Variants in POU6F2 observed in about 807,000 individuals in gnomAD.
The protein encoded by POU6F2 is POU domain, class 6, transcription factor 2.
Under a neutral mutation model 71.3 loss-of-function variants are expected in POU6F2, and 31 were observed. The ratio of observed to expected loss-of-function variants is 0.43; its 90% CI spans 0.33 to 0.59. POU6F2 has a LOEUF of 0.59. Among genes scored for constraint, POU6F2 ranks in the 20% least tolerant of loss-of-function variants. POU6F2 has a pLI of 0.04. For missense variants in POU6F2, 783 were observed against 856.8 expected (o/e 0.91, Z 1.07); for synonymous variants, 347 against 355.7 (o/e 0.98, Z 0.27).
intron 7 of POU6F2, among the ~76,000 whole-genome samples, chr7:39,440,565 A>T (rs578175673): frequency 1.3e-5 from 2 of 152,300 alleles, no homozygotes; most frequent in African/African-American, 4.8e-5. Flanking sequence ...TAAACTGGTT[A>T]TGCTAGTTAG....
At chr7:39,173,923 A>G (rs144650129) in intron 2 of POU6F2, among the ~76,000 whole-genome samples, 9 of 152,330 alleles carry the variant, frequency 5.9e-5, no homozygotes, top group Non-Finnish European at 2.9e-5. Context: ...ATTTAGGGCT[A>G]TTCTACCTGT....
intron 1 of POU6F2, among the ~76,000 whole-genome samples, chr7:38,983,695 T>C (rs2116597187): frequency 6.6e-6 from 1 of 152,222 alleles, no homozygotes; most frequent in Non-Finnish European, 1.5e-5. Context: ...ATTGCTTAAT[T>C]TTTACTGGAA....
chr7:38,983,814 A>G (rs531664632), intron 1 of POU6F2, among the ~76,000 whole-genome samples: 1 of 152,144 alleles, frequency 6.6e-6, no homozygotes, highest in Non-Finnish European at 1.5e-5. Context: ...ACGTAAAACC[A>G]TTGTATGTAA....
At chr7:39,382,287 A>G (rs1481600425) in intron 5 of POU6F2, among the ~76,000 whole-genome samples, 2 of 152,226 alleles carry the variant, frequency 1.3e-5, no homozygotes, top group Non-Finnish European at 2.9e-5. Flanking sequence ...ACAGAAACAT[A>G]CAACAGAGAG....
chr7:39,084,259 G>T (rs1211994165), intron 1 of POU6F2, among the ~76,000 whole-genome samples: 1 of 152,002 alleles, frequency 6.6e-6, no homozygotes, highest in Non-Finnish European at 1.5e-5. Context: ...AAATTACCTT[G>T]TTAAATGACA....
chr7:39,408,795 C>T (rs1321879763), intron 6 of POU6F2, among the ~76,000 whole-genome samples: 1 of 152,136 alleles, frequency 6.6e-6, no homozygotes. Flanking sequence ...GATAATTGGC[C>T]ATATTCATGT....
chr7:38,994,993 C>T (rs1426000081), intron 1 of POU6F2, among the ~76,000 whole-genome samples: 3 of 152,180 alleles, frequency 2.0e-5, no homozygotes, highest in Non-Finnish European at 4.4e-5. Context: ...GCTTTTCAAA[C>T]ATTTCCCCAG....
chr7:39,136,827 TAA>T (rs112051805), intron 2 of POU6F2, among the ~76,000 whole-genome samples: 1 of 136,676 alleles, frequency 7.3e-6, no homozygotes. Flanking sequence ...GATCCCATCT[TAA>T]AAAAAAAAAA....
intron 1 of POU6F2, among the ~76,000 whole-genome samples, chr7:39,004,048 G>C (rs960623651): frequency 3.3e-5 from 5 of 151,974 alleles, no homozygotes; most frequent in Non-Finnish European, 5.9e-5. Flanking sequence ...ACATATAAAC[G>C]TTTATATATA....
chr7:38,992,862 G>A (rs1289848835), intron 1 of POU6F2, among the ~76,000 whole-genome samples: 2 of 152,030 alleles, frequency 1.3e-5, no homozygotes, highest in Non-Finnish European at 1.5e-5. Flanking sequence ...CTACAGTCTG[G>A]GAAATGGATT....
intron 2 of POU6F2, among the ~76,000 whole-genome samples, chr7:39,184,108 TG>T (rs1339971862): frequency 6.6e-6 from 1 of 152,156 alleles, no homozygotes. Flanking sequence ...CAAATTCATG[TG>T]TTTAGTCTAT....
chr7:39,051,180 A>G (rs1790393471), intron 1 of POU6F2, among the ~76,000 whole-genome samples: 1 of 152,048 alleles, frequency 6.6e-6, no homozygotes, highest in African/African-American at 2.4e-5. Context: ...TTGAATTTTC[A>G]TGCAAATGAA....
At chr7:39,093,542 G>A (rs77633261) in intron 2 of POU6F2, among the ~76,000 whole-genome samples, 2,232 of 152,040 alleles carry the variant, frequency 0.015, 49 homozygotes, top group African/African-American at 0.05. Flanking sequence ...ATATTGTTTG[G>A]CATTAAGTAG....
intron 1 of POU6F2, among the ~76,000 whole-genome samples, chr7:38,997,731 A>G (rs1368601133): frequency 6.6e-6 from 1 of 152,168 alleles, no homozygotes; most frequent in Non-Finnish European, 1.5e-5. Flanking sequence ...CAAATTTCTT[A>G]GCCCTCCAGA....
chr7:39,222,958 G>A (rs1231992960), intron 4 of POU6F2, among the ~76,000 whole-genome samples: 1 of 152,238 alleles, frequency 6.6e-6, no homozygotes, highest in African/African-American at 2.4e-5. Context: ...ATCATTTGGC[G>A]AGTTGCCATA....
At chr7:39,192,665 GGTGAGAAGT>G (rs1325008228) in intron 2 of POU6F2, among the ~76,000 whole-genome samples, 1 of 152,170 alleles carries the variant, frequency 6.6e-6, no homozygotes, top group Admixed American at 6.5e-5. Flanking sequence ...GGTTGCATGG[GGTGAGAAGT>G]GGCCCAGGTT....
intron 4 of POU6F2, among the ~76,000 whole-genome samples, chr7:39,277,321 T>C (rs1784461899): frequency 6.6e-6 from 1 of 152,202 alleles, no homozygotes; most frequent in Non-Finnish European, 1.5e-5. Flanking sequence ...TGCGTGATGC[T>C]GAGGTTGGGC....
chr7:39,199,324 A>G (rs1793847217), intron 2 of POU6F2, among the ~76,000 whole-genome samples: 1 of 152,362 alleles, frequency 6.6e-6, no homozygotes, highest in East Asian at 1.9e-4. Flanking sequence ...TCTCGGGATT[A>G]AAAAGAGTAT....
intron 1 of POU6F2, among the ~76,000 whole-genome samples, chr7:39,001,668 GT>G: frequency 2.9e-3 from 1 of 348 alleles, no homozygotes; most frequent in South Asian, 0.12. Flanking sequence ...AATGGTGGTG[GT>G]GATGGTGATG....
Sources: gnomAD v4.1 joint callset for allele counts (sites outside exome capture counted in the v4.1 genomes callset) on GRCh38, gnomAD v4.1.1 for gene constraint, MANE v1.5 for transcripts, NCBI Gene and HGNC (gene_info 2026-07-23, HGNC 2026-07-21) for gene names.